Variants in SMC5 observed in about 807,000 individuals in gnomAD.
SMC5 encodes the protein structural maintenance of chromosomes protein 5.
In SMC5, 88 loss-of-function variants were observed where a neutral mutation model predicts 148.3. The observed-to-expected ratio is 0.59, with a 90% confidence interval of 0.50 to 0.71. The LOEUF (loss-of-function observed/expected upper bound fraction) is 0.71. Among genes scored for constraint, SMC5 ranks in the 30% least tolerant of loss-of-function variants. The pLI is 0.00. For synonymous variants in SMC5, 421 were observed against 432.8 expected (o/e 0.97, Z 0.34); for missense variants, 1,142 against 1,298.9 (o/e 0.88, Z 1.86).
chr9:70,293,392 A>AT (rs547831897), intron 8 of SMC5, among the ~76,000 whole-genome samples: 27 of 133,646 alleles, frequency 2.0e-4, no homozygotes, highest in Non-Finnish European at 3.0e-4. Flanking sequence ...AATTTTATTG[A>AT]TTTTTTTCAA....
At chr9:70,310,550 C>T (rs1474565442) in intron 11 of SMC5, among the ~76,000 whole-genome samples, 1 of 152,156 alleles carries the variant, frequency 6.6e-6, no homozygotes, top group Admixed American at 6.5e-5. Flanking sequence ...TTCTAAAGGG[C>T]CCTAGGATTT....
chr9:70,278,552 C>G lies in SMC5; in HGVS notation c.605C>G (p.Ser202Ter). 1 of 1,611,816 alleles carries G rather than the reference C, an allele frequency of 6.2e-7. No individual in the cohort carries two copies. The highest frequency in any genetic ancestry group is 8.5e-7 in the Non-Finnish European group (1 of 1,179,182). The change falls in exon 5 of 25, where the codon TCA becomes TGA. Residue 202 changes from serine to a stop codon, truncating the protein, a stop_gained. Coordinates refer to ENST00000361138, the MANE Select transcript of SMC5 (RefSeq NM_015110.4). LOFTEE classifies it high-confidence loss of function. ...KIELLEATEK[S>*]IGPPEMHKYH... Reference sequence around the variant, plus strand: ...GAACTCCTCGAAGCCACTGAAAAGTCAATTGGTCCCCCAGAAATGCACAAA... The same window carrying G: ...GAACTCCTCGAAGCCACTGAAAAGTGAATTGGTCCCCCAGAAATGCACAAA...
intron 17 of SMC5, among the ~76,000 whole-genome samples, chr9:70,332,934 A>G (rs1463095921): frequency 6.6e-6 from 1 of 152,206 alleles, no homozygotes; most frequent in Non-Finnish European, 1.5e-5. Flanking sequence ...AGACTTCATC[A>G]TTCTGATAAA....
intron 8 of SMC5, among the ~76,000 whole-genome samples, chr9:70,289,291 G>A (rs1303994458): frequency 6.6e-6 from 1 of 152,204 alleles, no homozygotes; most frequent in East Asian, 1.9e-4. Flanking sequence ...ACCTGCCTTG[G>A]CCTCCCAAAG....
intron 17 of SMC5, among the ~76,000 whole-genome samples, chr9:70,332,523 C>CAAAAAAAA (rs57524323): frequency 1.9e-5 from 2 of 104,210 alleles, no homozygotes; most frequent in African/African-American, 3.7e-5. Flanking sequence ...GACCCTGTCT[C>CAAAAAAAA]AAAAAAAAAA....
intron 10 of SMC5, among the ~76,000 whole-genome samples, chr9:70,302,885 T>A (rs2035397325): frequency 6.6e-6 from 1 of 151,946 alleles, no homozygotes; most frequent in Admixed American, 6.6e-5. Flanking sequence ...TGTAAACCAG[T>A]TTATATACTC....
intron 3 of SMC5, among the ~76,000 whole-genome samples, chr9:70,274,154 T>C (rs1180293135): frequency 6.6e-6 from 1 of 152,250 alleles, no homozygotes; most frequent in Admixed American, 6.5e-5. Flanking sequence ...TGATCTCGGC[T>C]CACTGCAGGC....
In SMC5 at chr9:70,300,045, G is replaced by A; in HGVS notation, c.1310-1G>A. 6.4e-7 allele frequency: 1 copy of A among 1,561,446 alleles called. No individual in the cohort carries two copies. Among genetic ancestry groups the A allele is most frequent in the Non-Finnish European group, 8.6e-7 (1 of 1,163,480 alleles). ...GACTTTGTTTTGTTTTACAATTTTA[G>A]GTGTGGACGATCATATTGTACGTTT... On this transcript the variant is annotated splice_acceptor_variant, in intron 9 of 24. Transcript: ENST00000361138. LOFTEE classifies it high-confidence loss of function.
At chr9:70,332,556 A>G (rs1328036710) in intron 17 of SMC5, among the ~76,000 whole-genome samples, 4 of 150,600 alleles carry the variant, frequency 2.7e-5, no homozygotes, top group Non-Finnish European at 5.9e-5. Context: ...AATTAATACC[A>G]GTTCTACTTA....
At chr9:70,295,364 G>A (rs1025375525) in intron 8 of SMC5, among the ~76,000 whole-genome samples, 86 of 151,566 alleles carry the variant, frequency 5.7e-4, no homozygotes, top group Admixed American at 5.5e-3. Context: ...CCAGCTACTC[G>A]GGAGGCTGAG....
Position 70,318,928 on chromosome 9 carries a change from A to G in SMC5, c.2115A>G (p.Arg705=), listed in dbSNP as rs1292675445. The G allele has an allele frequency of 1.2e-6, 2 of 1,608,920 alleles. No individual in the cohort carries two copies. Among genetic ancestry groups the G allele is most frequent in the African/African-American group, 2.7e-5 (2 of 74,392 alleles). Reference sequence around the variant, plus strand: ...TTCTTGAGAGAAAAACCAAGAAAAGACAACTGGAACAAAAAATCAGTTCCA... The same window carrying G: ...TTCTTGAGAGAAAAACCAAGAAAAGGCAACTGGAACAAAAAATCAGTTCCA... The part of the protein sequence containing the change: ...KELLERKTKK[R]QLEQKISSKL... The change falls in exon 15 of 25, where the codon AGA becomes AGG. Residue 705 remains arginine, a synonymous_variant. Transcript: ENST00000361138.
At chr9:70,308,590 CAAAAAAAAAAAAAA>C (rs59441324) in intron 11 of SMC5, among the ~76,000 whole-genome samples, 13 of 72,254 alleles carry the variant, frequency 1.8e-4, no homozygotes, top group South Asian at 5.4e-4. Context: ...GACTCTGTCT[CAAAAAAAAAAAAAA>C]AAAAAAAAAA....
chr9:70,294,069 A>G (rs2035134180), intron 8 of SMC5, among the ~76,000 whole-genome samples: 1 of 152,120 alleles, frequency 6.6e-6, no homozygotes, highest in African/African-American at 2.4e-5. Flanking sequence ...ACATTCTACA[A>G]AGCAAAGCAG....
At chr9:70,336,207 TGTA>T (rs59406947) in intron 17 of SMC5, among the ~76,000 whole-genome samples, 3,773 of 152,264 alleles carry the variant, frequency 0.025, 100 homozygotes, top group South Asian at 0.07. Flanking sequence ...TTTTAGGAAA[TGTA>T]GACATAGGAC....
intron 11 of SMC5, among the ~76,000 whole-genome samples, chr9:70,309,734 A>G (rs1457422621): frequency 6.6e-6 from 1 of 152,188 alleles, no homozygotes; most frequent in Non-Finnish European, 1.5e-5. Context: ...CTTCCACAGA[A>G]GTCGAACCTC....
intron 15 of SMC5, among the ~76,000 whole-genome samples, chr9:70,321,179 A>G (rs745885097): frequency 8.5e-5 from 13 of 152,120 alleles, no homozygotes; most frequent in African/African-American, 1.4e-4. Context: ...AAAAATTGTC[A>G]AACTAGGCTG....
chr9:70,318,562 T>A lies in SMC5; in HGVS notation c.1855T>A (p.Tyr619Asn). The A allele has an allele frequency of 6.2e-7, 1 of 1,611,806 alleles. No homozygotes were observed. Among genetic ancestry groups the A allele is most frequent in the Non-Finnish European group, 8.5e-7 (1 of 1,178,916 alleles). Residue 619 changes from tyrosine (Y) to asparagine (N), a missense_variant, in exon 14 of 25, where the codon TAT (tyrosine) becomes AAT (asparagine). By Grantham distance (143) the Tyr-to-Asn change is moderately radical. Coordinates refer to ENST00000361138, the MANE Select transcript of SMC5 (RefSeq NM_015110.4). ...ACAGATTTATACAGCAGAAGAAAAG[T>A]ATGTGGTGAAAACTTCTTTTTATTC... Reference protein sequence around the residue: ...LKQIYTAEEKYVVKTSFYSNK... With the variant: ...LKQIYTAEEKNVVKTSFYSNK...
chr9:70,290,824 A>G (rs2035037343), intron 8 of SMC5, among the ~76,000 whole-genome samples: 2 of 152,222 alleles, frequency 1.3e-5, no homozygotes. Context: ...ACTGAGTTTC[A>G]ATGTGAAAGT....
chr9:70,321,499 C>T lies in SMC5; in HGVS notation c.2151-1984C>T, dbSNP rs2035946204. The stretch of plus-strand genomic sequence containing the variant: ...CTTTGAACTCTTGGGCTCAAGCAAT[C>T]CTCACGCCTCAGCCTCCTGAGTGGC... On this transcript the variant is annotated intron_variant, in intron 15 of 24. Coordinates refer to ENST00000361138, the MANE Select transcript of SMC5 (RefSeq NM_015110.4). 2.6e-5 allele frequency among the ~76,000 whole-genome samples: 4 copies of T among 151,124 alleles called. No homozygotes were observed. The South Asian group carries it at 8.4e-4, about 32-fold the overall frequency.
Sources: gnomAD v4.1 joint callset for allele counts (sites outside exome capture counted in the v4.1 genomes callset) on GRCh38, gnomAD v4.1.1 for gene constraint, MANE v1.5 for transcripts, NCBI Gene and HGNC (gene_info 2026-07-23, HGNC 2026-07-21) for gene names.